The following HPGDS variants were observed in gnomAD, a reference collection of about 807,000 sequenced individuals.
HPGDS encodes the protein GST class-sigma.
In HPGDS, 26 loss-of-function variants were observed where a neutral mutation model predicts 23.1. The ratio of observed to expected loss-of-function variants is 1.13; its 90% CI spans 0.83 to 1.56. HPGDS has a LOEUF of 1.56. Ranked by LOEUF, HPGDS falls within the 40% of genes most tolerant of loss-of-function variation. The pLI is 0.00. For synonymous variants in HPGDS, 95 were observed against 77.9 expected, an observed-to-expected ratio of 1.22 and a Z score of -1.16; for missense variants, 268 against 236.4, an observed-to-expected ratio of 1.13 and a Z score of -0.88.
At chr4:94,307,307 TAAAA>T (rs762523386) in intron 4 of HPGDS, among the ~76,000 whole-genome samples, 1 of 110,594 alleles carries the variant, frequency 9.0e-6, no homozygotes, top group African/African-American at 3.3e-5. Context: ...CAGGAAAACA[TAAAA>T]AAAAAAAAAA....
chr4:94,341,999 G>GT (rs1560598878), intron 1 of HPGDS, among the ~76,000 whole-genome samples: 1 of 152,188 alleles, frequency 6.6e-6, no homozygotes, highest in African/African-American at 2.4e-5. Flanking sequence ...GGCATTTCAA[G>GT]TTCAATTCTG....
In HPGDS at chr4:94,320,287, T is replaced by C. The variant is rs150157317; in HGVS notation, c.134-2322A>G. 9.0e-3 allele frequency among the ~76,000 whole-genome samples: 1,364 copies of C among 152,312 alleles called. 24 individuals carry two copies. Among genetic ancestry groups the C allele is most frequent in the African/African-American group, 0.031 (1,270 of 41,568 alleles). On this transcript the variant is annotated intron_variant, in intron 2 of 5. Transcript: ENST00000295256. ...TTTGGGTATATGCCCAGTAATGGGA[T>C]CACTGGGTCAAATGGTATTTCTATA...
At chr4:94,310,492 A>G (rs984286403) in intron 3 of HPGDS, among the ~76,000 whole-genome samples, 5 of 152,126 alleles carry the variant, frequency 3.3e-5, no homozygotes, top group Non-Finnish European at 5.9e-5. Context: ...TGGTCTGCCT[A>G]TATCTCTGTT....
chr4:94,334,771 C>G, intron 1 of HPGDS, 133 bp from the exon 2 acceptor site: 2 of 698,258 alleles, frequency 2.9e-6, no homozygotes, highest in Non-Finnish European at 4.4e-6. Context: ...ATTTCAAAAC[C>G]AAAATTATAA....
At chr4:94,327,603 GC>G (rs1293481016) in intron 2 of HPGDS, among the ~76,000 whole-genome samples, 2 of 152,190 alleles carry the variant, frequency 1.3e-5, no homozygotes, top group Non-Finnish European at 1.5e-5. Context: ...GTACATTGTG[GC>G]CCTGATACTA....
At chr4:94,299,682 A>T (rs754643196) in intron 5 of HPGDS, 38 bp from the exon 6 acceptor site, 41 of 1,583,042 alleles carry the variant, frequency 2.6e-5, no homozygotes, top group Non-Finnish European at 3.5e-5. Flanking sequence ...TTGAACATAG[A>T]AAGTGTAGCT....
At chr4:94,316,836 T>A (rs189942810) in intron 3 of HPGDS, among the ~76,000 whole-genome samples, 34 of 152,350 alleles carry the variant, frequency 2.2e-4, no homozygotes, top group Non-Finnish European at 1.9e-4. Flanking sequence ...AGCATCCAGG[T>A]GACCCTGATG....
At chr4:94,339,778 AAT>A (rs1721099960) in intron 1 of HPGDS, among the ~76,000 whole-genome samples, 1 of 151,962 alleles carries the variant, frequency 6.6e-6, no homozygotes, top group Admixed American at 6.6e-5. Context: ...TAGCTCCCAT[AAT>A]TCCCACTTGT....
At chr4:94,316,222 G>A (rs1474941584) in intron 3 of HPGDS, among the ~76,000 whole-genome samples, 3 of 152,172 alleles carry the variant, frequency 2.0e-5, no homozygotes, top group African/African-American at 7.2e-5. Flanking sequence ...AAGAGAAAGA[G>A]ACGAAAGAGA....
At chr4:94,339,342 T>A (rs1337712070) in intron 1 of HPGDS, among the ~76,000 whole-genome samples, 2 of 152,234 alleles carry the variant, frequency 1.3e-5, no homozygotes, top group African/African-American at 4.8e-5. Flanking sequence ...AAAAGCTGAT[T>A]GTGTTTGAAG....
intron 5 of HPGDS, among the ~76,000 whole-genome samples, chr4:94,300,760 A>C (rs1012296096): frequency 6.6e-6 from 1 of 152,122 alleles, no homozygotes; most frequent in Non-Finnish European, 1.5e-5. Context: ...ATGGACTATG[A>C]CATGGTCAGA....
At chr4:94,315,182 C>G (rs1021105134) in intron 3 of HPGDS, among the ~76,000 whole-genome samples, 5 of 140,532 alleles carry the variant, frequency 3.6e-5, no homozygotes, top group African/African-American at 1.3e-4. Context: ...GTGAGACAAT[C>G]CCCGGTACCT....
chr4:94,336,505 A>G (rs1721015346), intron 1 of HPGDS, among the ~76,000 whole-genome samples: 1 of 152,174 alleles, frequency 6.6e-6, no homozygotes, highest in South Asian at 2.1e-4. Context: ...ATTCCTGCCC[A>G]GTTTGCATCA....
intron 4 of HPGDS, 31 bp from the exon 5 acceptor site, chr4:94,302,275 A>G: frequency 6.9e-7 from 1 of 1,457,922 alleles, no homozygotes; most frequent in Non-Finnish European, 9.6e-7. Context: ...CACTTTAAGA[A>G]TAATGAGAAG....
chr4:94,340,304 TCTTTCTC>T (rs1578148110), intron 1 of HPGDS, among the ~76,000 whole-genome samples: 6 of 52,414 alleles, frequency 1.1e-4, no homozygotes, highest in South Asian at 5.2e-4. Context: ...TTTCTTTCTT[TCTTTCTC>T]TTTTTTTTTT....
chr4:94,312,732 A>G (rs908476657), intron 3 of HPGDS, among the ~76,000 whole-genome samples: 1 of 152,164 alleles, frequency 6.6e-6, no homozygotes, highest in African/African-American at 2.4e-5. Flanking sequence ...TAATGTTGAC[A>G]GTGGGGTGTT....
intron 3 of HPGDS, among the ~76,000 whole-genome samples, chr4:94,315,536 T>A (rs1256698069): frequency 6.6e-6 from 1 of 152,218 alleles, no homozygotes; most frequent in East Asian, 1.9e-4. Context: ...TAATAAATCA[T>A]TGGTCTTCCT....
At chr4:94,316,954 C>T (rs1439118807) in intron 3 of HPGDS, among the ~76,000 whole-genome samples, 2 of 152,202 alleles carry the variant, frequency 1.3e-5, no homozygotes, top group African/African-American at 4.8e-5. Flanking sequence ...CCTAATTTCC[C>T]TGGTCATAAA....
chr4:94,332,944 T>C (rs1164251351), intron 2 of HPGDS, among the ~76,000 whole-genome samples: 2 of 152,218 alleles, frequency 1.3e-5, no homozygotes, highest in African/African-American at 4.8e-5. Flanking sequence ...CTTATGGACT[T>C]TGGCCCTTTT....
Sources: gnomAD v4.1 joint callset for allele counts (sites outside exome capture counted in the v4.1 genomes callset) on GRCh38, gnomAD v4.1.1 for gene constraint, MANE v1.5 for transcripts, NCBI Gene and HGNC (gene_info 2026-07-23, HGNC 2026-07-21) for gene names.